The following MYO6 variants were observed in gnomAD, a reference collection of about 807,000 sequenced individuals.
The protein encoded by MYO6 is unconventional myosin-VI.
Under a neutral mutation model 178.7 loss-of-function variants are expected in MYO6, and 74 were observed. The ratio of observed to expected loss-of-function variants is 0.41; its 90% CI spans 0.34 to 0.50. MYO6 has a LOEUF of 0.50. Ranked by LOEUF, MYO6 falls within the 20% of genes least tolerant of loss-of-function variation. The pLI is 0.09. For synonymous variants in MYO6, 477 were observed against 504.6 expected, an observed-to-expected ratio of 0.95 and a Z score of 0.73; for missense variants, 1,330 against 1,547.4, an observed-to-expected ratio of 0.86 and a Z score of 2.36.
chr6:75,843,533 G>A (rs757513193), intron 9 of MYO6, among the ~76,000 whole-genome samples: 3 of 152,160 alleles, frequency 2.0e-5, no homozygotes, highest in African/African-American at 7.2e-5. Context: ...TCTATCCAAG[G>A]TTGTAATATT....
chr6:75,834,233 T>G (rs1428000865), intron 6 of MYO6, among the ~76,000 whole-genome samples: 2 of 150,640 alleles, frequency 1.3e-5, no homozygotes, highest in African/African-American at 4.9e-5. Flanking sequence ...GTTTGGTTTG[T>G]TTTTTTTTGA....
intron 28 of MYO6, among the ~76,000 whole-genome samples, 180 bp downstream of exon 28, chr6:75,892,870 T>C (rs1451038437): frequency 6.6e-6 from 1 of 152,228 alleles, no homozygotes; most frequent in Non-Finnish European, 1.5e-5. Context: ...AATGAGATAA[T>C]TGATTTTTCA....
rs547315839 is a variant in MYO6, at chr6:75,881,434, C to G, written c.2287-255C>G. On this transcript the variant is annotated intron_variant, in intron 22 of 34. Coordinates refer to ENST00000369977, the MANE Select transcript of MYO6 (RefSeq NM_004999.4). ...TAATTTAAAAGTCATCCCCCCCCCC[C>G]ACTTTTGTTATTGAATATGCTACCT... 2.3e-4 allele frequency among the ~76,000 whole-genome samples: 27 copies of G among 115,536 alleles called. No homozygotes were observed. The East Asian group carries it at 7.0e-3, about 30-fold the overall frequency. The allele number at this position is 115,536 out of a possible 152,430, so 75.8% of individuals were successfully genotyped here.
At chr6:75,751,819 A>G (rs561355292) in intron 1 of MYO6, among the ~76,000 whole-genome samples, 1 of 152,222 alleles carries the variant, frequency 6.6e-6, no homozygotes, top group African/African-American at 2.4e-5. Context: ...ACATCCAAAC[A>G]TTGAAAAAAA....
At position 75,914,165 on chromosome 6, in the gene MYO6, A is replaced by G. The variant is rs776971894; in HGVS notation, c.3542A>G (p.Gln1181Arg). 1.2e-6 allele frequency: 2 copies of G among 1,614,178 alleles called. No individual in the cohort carries two copies. The highest frequency in any genetic ancestry group is 2.2e-5 in the East Asian group (1 of 44,880). Residue 1181 changes from glutamine (Q) to arginine (R), a missense_variant, in exon 34 of 35, where the codon CAG (glutamine) becomes CGG (arginine). By Grantham distance (43) the Gln-to-Arg change is conservative (BLOSUM62 1). Coordinates refer to ENST00000369977, the MANE Select transcript of MYO6 (RefSeq NM_004999.4). ...FRIPFIRPADQYKDPQSKKKG... is the reference protein window; with the variant it reads ...FRIPFIRPADRYKDPQSKKKG... ...ATCCCATTCATCCGCCCTGCCGACC[A>G]GTACAAAGACCCTCAGAGTAAGAAA... is the stretch of plus-strand genomic sequence containing the variant.
intron 18 of MYO6, 92 bp downstream of exon 18, chr6:75,867,197 A>T: frequency 5.5e-6 from 6 of 1,083,452 alleles, no homozygotes; most frequent in East Asian, 2.6e-5. Context: ...ACTGTCAGAA[A>T]TCTCACAGTG....
intron 5 of MYO6, 31 bp from the exon 6 acceptor site, chr6:75,832,811 G>A: frequency 7.8e-7 from 1 of 1,279,004 alleles, no homozygotes; most frequent in Non-Finnish European, 1.1e-6. Flanking sequence ...TTAATATATT[G>A]CTCATCATTA....
In MYO6 at chr6:75,832,965, T is replaced by C. The variant is rs369451953; in HGVS notation, c.497+18T>C. 3.3e-6 allele frequency: 5 copies of C among 1,521,856 alleles called. No individual in the cohort carries two copies. In the African/African-American group the frequency reaches 6.9e-5, roughly 21 times the overall value. 94.3% of individuals were successfully genotyped at this position (1,521,856 alleles called of 1,614,324 possible). A position where few individuals can be genotyped will look rare whatever the true frequency, so the allele number is the denominator to read the frequency against. On this transcript the variant is annotated intron_variant, in intron 6 of 34. Coordinates refer to ENST00000369977, the MANE Select transcript of MYO6 (RefSeq NM_004999.4). ...GTTCTAAGGTGAGTATTCAGCTAAC[T>C]TGAAGTATTTGAGTAGGTTGATCTT...
At position 75,873,292 on chromosome 6, in the gene MYO6, A is replaced by C. The variant is rs540531731; in HGVS notation, c.2069A>C (p.Gln690Pro). Residue 690 changes from glutamine to proline, a missense_variant, in exon 20 of 35, where the codon CAG becomes CCG. Gln to Pro is a moderately conservative substitution (Grantham distance 76, BLOSUM62 -1). Around this residue, in one of 3 missense-constraint regions of MYO6, gnomAD observed 613 missense variants for 816.8 expected, o/e 0.75. Coordinates refer to ENST00000369977, the MANE Select transcript of MYO6 (RefSeq NM_004999.4). ...FEGAQILSQLQCSGMVSVLDL... is the reference protein window; with the variant it reads ...FEGAQILSQLPCSGMVSVLDL... ...GGTGCTCAAATTCTGTCTCAGCTTCAGTGTTCAGGTATTTTCATAATCTCT... is the reference window on the plus strand; with the variant it reads ...GGTGCTCAAATTCTGTCTCAGCTTCCGTGTTCAGGTATTTTCATAATCTCT... The C allele has an allele frequency of 6.2e-7, 1 of 1,611,584 alleles. No homozygotes were observed. Among genetic ancestry groups the C allele is most frequent in the East Asian group, 2.2e-5 (1 of 44,838 alleles).
intron 20 of MYO6, among the ~76,000 whole-genome samples, chr6:75,878,091 A>G (rs1777713880): frequency 6.6e-6 from 1 of 152,188 alleles, no homozygotes; most frequent in Non-Finnish European, 1.5e-5. Context: ...GATTTCTTTA[A>G]TGTGTTTCAT....
At chr6:75,842,377 C>T (rs374092002) in intron 9 of MYO6, among the ~76,000 whole-genome samples, 4 of 152,134 alleles carry the variant, frequency 2.6e-5, no homozygotes, top group Admixed American at 1.3e-4. Context: ...TAAGGAATGT[C>T]GTCTGTATAG....
At chr6:75,773,727 A>T (rs10428865) in intron 1 of MYO6, among the ~76,000 whole-genome samples, 2,585 of 152,288 alleles carry the variant, frequency 0.017, 72 homozygotes, top group African/African-American at 0.059. Flanking sequence ...AAACCATATT[A>T]GAGAGGAAAG....
chr6:75,802,501 T>G (rs1165793037), intron 1 of MYO6, among the ~76,000 whole-genome samples: 1 of 139,050 alleles, frequency 7.2e-6, no homozygotes, highest in Non-Finnish European at 1.5e-5. Context: ...TTTTTTTTAA[T>G]GAGACTGAGT....
chr6:75,761,803 A>G (rs1383335488), intron 1 of MYO6, among the ~76,000 whole-genome samples: 1 of 150,870 alleles, frequency 6.6e-6, no homozygotes, highest in Non-Finnish European at 1.5e-5. Context: ...GAACATGTGG[A>G]CAACAGAGTA....
At chr6:75,891,168 C>T (rs527769118) in intron 26 of MYO6, 60 bp from the exon 27 acceptor site, 266 of 1,153,694 alleles carry the variant, frequency 2.3e-4, no homozygotes, top group Admixed American at 1.7e-3. Flanking sequence ...AGTTAAATTG[C>T]CTTCTGAAGG....
At chr6:75,904,832 C>T (rs1232955086) in intron 30 of MYO6, among the ~76,000 whole-genome samples, 2 of 152,172 alleles carry the variant, frequency 1.3e-5, no homozygotes, top group African/African-American at 2.4e-5. Context: ...AGTTTTTCTG[C>T]TCTGTTTCTT....
intron 20 of MYO6, 27 bp from the exon 21 acceptor site, chr6:75,879,793 G>C (rs951131753): frequency 2.0e-5 from 32 of 1,613,980 alleles, no homozygotes; most frequent in Non-Finnish European, 2.5e-5. Flanking sequence ...GTGATTGACA[G>C]TGCTTTGTGC....
At chr6:75,819,685 A>G (rs374272201) in intron 2 of MYO6, among the ~76,000 whole-genome samples, 11 of 152,378 alleles carry the variant, frequency 7.2e-5, no homozygotes, top group African/African-American at 2.6e-4. Flanking sequence ...TATAAATGAA[A>G]CAGTTGATCA....
intron 16 of MYO6, 146 bp from the exon 17 acceptor site, chr6:75,866,380 C>A: frequency 1.6e-6 from 1 of 622,748 alleles, no homozygotes; most frequent in East Asian, 3.2e-5. Context: ...TTAAGGCATA[C>A]TCAATACATA....
Sources: allele counts gnomAD v4.1 joint callset (sites outside exome capture counted in the v4.1 genomes callset), GRCh38; gene constraint gnomAD v4.1.1; regional missense constraint gnomAD v4.1.1; transcripts MANE v1.5; gene names NCBI Gene and HGNC (gene_info 2026-07-23, HGNC 2026-07-21).